SUPT16H: variants seen among roughly 807,000 people sequenced by gnomAD.
SUPT16H encodes the protein FACT complex subunit SPT16.
A neutral mutation model predicts 136.2 loss-of-function variants in SUPT16H; 24 were observed. The observed-to-expected ratio is 0.18, with a 90% confidence interval of 0.13 to 0.25. The LOEUF is 0.25. Ranked by LOEUF, SUPT16H falls within the 10% of genes least tolerant of loss-of-function variation. The pLI is 1.00. For missense variants in SUPT16H, 623 were observed against 1,270.2 expected (o/e 0.49, Z 7.74); for synonymous variants, 415 against 428.2 (o/e 0.97, Z 0.38).
chr14:21,381,353 G>A (rs534490962), intron 1 of SUPT16H, among the ~76,000 whole-genome samples: 1 of 152,246 alleles, frequency 6.6e-6, no homozygotes, highest in South Asian at 2.1e-4. Context: ...TTGCAGATAG[G>A]TAAGGTTAAT....
rs150052462 is a variant in SUPT16H, at chr14:21,368,920, G to A, written c.782+284C>T. Among the ~76,000 whole-genome samples, 362 of 152,328 alleles carry A rather than the reference G, an allele frequency of 2.4e-3. 1 individual carries two copies. Among genetic ancestry groups the A allele is most frequent in the Admixed American group, 4.4e-3 (67 of 15,306 alleles). Reference sequence around the variant, plus strand: ...ATAACAGAGACTGGTAAGGGTAAGTGTGTAGGGGGGCAGGCGAGGATGAAA... The same window carrying A: ...ATAACAGAGACTGGTAAGGGTAAGTATGTAGGGGGGCAGGCGAGGATGAAA... On this transcript the variant is annotated intron_variant, in intron 6 of 25. Coordinates refer to ENST00000216297, the MANE Select transcript of SUPT16H (RefSeq NM_007192.4).
intron 1 of SUPT16H, among the ~76,000 whole-genome samples, 162 bp from the exon 2 acceptor site, chr14:21,373,592 T>C (rs1430412596): frequency 1.3e-5 from 2 of 152,248 alleles, no homozygotes; most frequent in Non-Finnish European, 2.9e-5. Flanking sequence ...TTTTTTGTTT[T>C]TACAGTACTT....
At chr14:21,376,096 T>C (rs768816349) in intron 1 of SUPT16H, among the ~76,000 whole-genome samples, 5 of 152,252 alleles carry the variant, frequency 3.3e-5, no homozygotes, top group Admixed American at 6.5e-5. Flanking sequence ...ATCTAGTTAT[T>C]ACAACACCAT....
At chr14:21,358,462 C>T (rs1302961714) in intron 19 of SUPT16H, 35 bp from the exon 20 acceptor site, 1 of 1,453,934 alleles carries the variant, frequency 6.9e-7, no homozygotes, top group Admixed American at 1.8e-5. Flanking sequence ...ACAGCCATCA[C>T]ATTTGTTAAC....
chr14:21,382,833 C>A (rs1425407525), intron 1 of SUPT16H: 1 of 151,892 alleles, frequency 6.6e-6, no homozygotes, highest in African/African-American at 2.4e-5. Flanking sequence ...TGTATTTAGC[C>A]CCAAAAGATG....
Position 21,365,206 on chromosome 14 carries a change from C to T in SUPT16H, c.1047-63G>A. 2.8e-6 allele frequency: 4 copies of T among 1,440,736 alleles called. No individual in the cohort carries two copies. The South Asian group carries it at 4.8e-5, about 17-fold the overall frequency. 89.2% of individuals were successfully genotyped at this position (1,440,736 alleles called of 1,614,324 possible). A position where few individuals can be genotyped will look rare whatever the true frequency, so the allele number is the denominator to read the frequency against. On this transcript the variant is annotated intron_variant, in intron 8 of 25. Transcript: ENST00000216297. ...GATCTCTAACATGGATCAAGCATAA[C>T]ATATTCATTTCAACTTTCACAATAA...
Position 21,383,596 on chromosome 14 carries a change from G to C in SUPT16H, c.66+266C>G, listed in dbSNP as rs142308286. ...GATGTTGCCTCTTCTAGGGCGGGAA[G>C]AGACTGCGAGAGGTGCTGCTATGCA... On this transcript the variant is annotated intron_variant, in intron 1 of 25. Transcript: ENST00000216297. 2.3e-5 allele frequency: 16 copies of C among 701,236 alleles called. No homozygotes were observed. The African/African-American group carries it at 2.4e-4, about 11-fold the overall frequency. 43.4% of individuals were successfully genotyped at this position (701,236 alleles called of 1,614,324 possible).
intron 6 of SUPT16H, among the ~76,000 whole-genome samples, 192 bp from the exon 7 acceptor site, chr14:21,368,633 T>C (rs369660740): frequency 9.5e-4 from 144 of 152,314 alleles, no homozygotes; most frequent in South Asian, 4.1e-4. Context: ...GGAGTAAAAG[T>C]CAGTGACCAA....
At chr14:21,365,180 A>C (rs1254081887) in intron 8 of SUPT16H, 37 bp from the exon 9 acceptor site, 1 of 1,570,228 alleles carries the variant, frequency 6.4e-7, no homozygotes, top group Non-Finnish European at 8.8e-7. Flanking sequence ...AAAAGGCTAA[A>C]GATCTCTAAC....
rs1435667815 is a variant in SUPT16H, at chr14:21,353,709, C to G, written c.2914G>C (p.Glu972Gln). 1.2e-6 allele frequency: 2 copies of G among 1,613,348 alleles called. No individual in the cohort carries two copies. Among genetic ancestry groups the G allele is most frequent in the East Asian group, 4.5e-5 (2 of 44,876 alleles). ...SDEDYSSEAE[E>Q]SDYSKESLGS... ...TTTGCTCTGTAAGACTAACCTGACTCTTCTGCTTCTGATGAATAATCTTCA... is the reference window on the plus strand; with the variant it reads ...TTTGCTCTGTAAGACTAACCTGACTGTTCTGCTTCTGATGAATAATCTTCA... The change falls in exon 24 of 26, where the codon GAG (glutamate) becomes CAG (glutamine). Residue 972 changes from glutamate to glutamine, a missense_variant. Glu to Gln is a conservative substitution (Grantham distance 29). This residue lies in a region of SUPT16H where 88 missense variants were observed against 135.5 expected (regional missense o/e 0.65). Coordinates refer to ENST00000216297, the MANE Select transcript of SUPT16H (RefSeq NM_007192.4).
chr14:21,352,751 T>A lies in SUPT16H; in HGVS notation c.3066A>T (p.Ala1022=), dbSNP rs746681888. The A allele has an allele frequency of 6.2e-7, 1 of 1,613,986 alleles. No individual in the cohort carries two copies. The highest frequency in any genetic ancestry group is 1.3e-5 in the African/African-American group (1 of 74,898). Residue 1022 remains alanine, a synonymous_variant, in exon 26 of 26, where the codon GCA becomes GCT. Transcript: ENST00000216297. The part of the protein sequence containing the change: ...QSRSMSRKRK[A]SVHSSGRGSN... The stretch of plus-strand genomic sequence containing the variant: ...AGCCACGGCCCGAACTGTGCACAGA[T>A]GCCTTCCTCTTCCGGCTCATACTTC...
At position 21,366,461 on chromosome 14, in the gene SUPT16H, TCAG is replaced by T; in HGVS notation, c.1021_1023del (p.Leu341del). 1 of 1,614,128 alleles carries T rather than the reference TCAG, an allele frequency of 6.2e-7. No homozygotes were observed. The highest frequency in any genetic ancestry group is 8.5e-7 in the Non-Finnish European group (1 of 1,180,026). ...TACCCTAGGTTTTTGGTAATTTTGTTCAGCAGTTCTGGCTTCTGCTTTTTAACC... is the reference window on the plus strand; with the variant it reads ...TACCCTAGGTTTTTGGTAATTTTGTTCAGTTCTGGCTTCTGCTTTTTAACC... On this transcript the variant is annotated inframe_deletion, in exon 8 of 26. Coordinates refer to ENST00000216297, the MANE Select transcript of SUPT16H (RefSeq NM_007192.4).
intron 22 of SUPT16H, 23 bp from the exon 23 acceptor site, chr14:21,354,563 G>A: frequency 6.2e-7 from 1 of 1,611,038 alleles, no homozygotes; most frequent in Non-Finnish European, 8.5e-7. Context: ...ACATGACAAA[G>A]TCAAATCAAT....
In SUPT16H at chr14:21,362,215, G is replaced by A. The variant is rs1239184644; in HGVS notation, c.1775C>T (p.Ala592Val). The A allele has an allele frequency of 3.1e-6, 5 of 1,611,740 alleles. No individual in the cohort carries two copies. Among genetic ancestry groups the A allele is most frequent in the Admixed American group, 1.7e-5 (1 of 59,774 alleles). The change falls in exon 15 of 26, where the codon GCG becomes GTG. Residue 592 changes from alanine (A) to valine (V), a missense_variant. Coordinates refer to ENST00000216297, the MANE Select transcript of SUPT16H (RefSeq NM_007192.4). ...GACTCACATTTCCTTGACAAAAGTC[G>A]CTTCAGGGTTAGGAAAGATGTTGCC... is the stretch of plus-strand genomic sequence containing the variant. ...NEGNIFPNPE[A>V]TFVKEITYRA...
At chr14:21,364,458 CA>C (rs767737751) in intron 10 of SUPT16H, among the ~76,000 whole-genome samples, 2 of 152,070 alleles carry the variant, frequency 1.3e-5, no homozygotes, top group Non-Finnish European at 2.9e-5. Context: ...GTGATGGTTA[CA>C]CAAATGTGAA....
rs1385996390 is a variant in SUPT16H, at chr14:21,368,321, A to C, written c.903T>G (p.Asn301Lys). 6.2e-7 allele frequency: 1 copy of C among 1,614,084 alleles called. No individual in the cohort carries two copies. Among genetic ancestry groups the C allele is most frequent in the African/African-American group, 1.3e-5 (1 of 75,050 alleles). ...MVDPSQEVQE[N>K]YNFLLQLQEE... ...CTTGAAGCTGGAGCAAAAAGTTATA[A>C]TTTTCTTGAACTTCTTGAGAAGGAT... The change falls in exon 7 of 26, where the codon AAT becomes AAG. Residue 301 changes from asparagine to lysine, a missense_variant. Physicochemically the swap from Asn to Lys is moderately conservative, Grantham distance 94 (BLOSUM62 0). Around this residue, in one of 7 missense-constraint regions of SUPT16H, gnomAD observed 343 missense variants for 525.7 expected, o/e 0.65. Transcript: ENST00000216297.
chr14:21,366,341 G>T, intron 8 of SUPT16H, 98 bp downstream of exon 8: 8 of 1,117,920 alleles, frequency 7.2e-6, no homozygotes, highest in Middle Eastern at 4.1e-4. Flanking sequence ...GTCCATAAAT[G>T]TTGGCTGAAT....
chr14:21,364,996 A>G (rs1040850542), intron 9 of SUPT16H, 57 bp from the exon 10 acceptor site: 1 of 1,605,354 alleles, frequency 6.2e-7, no homozygotes, highest in African/African-American at 1.3e-5. Context: ...GAGGTGTGAG[A>G]CATATGCCTA....
In SUPT16H at chr14:21,357,985, T is replaced by C. The variant is rs1385390051; in HGVS notation, c.2432A>G (p.Tyr811Cys). 2 of 1,613,720 alleles carry C rather than the reference T, an allele frequency of 1.2e-6. No homozygotes were observed. The highest frequency in any genetic ancestry group is 2.2e-5 in the East Asian group (1 of 44,866). The change falls in exon 21 of 26, where the codon TAT (tyrosine) becomes TGT (cysteine). Residue 811 changes from tyrosine (Y) to cysteine (C), a missense_variant. Physicochemically the swap from Tyr to Cys is radical, Grantham distance 194 (BLOSUM62 -2). Around this residue, in one of 7 missense-constraint regions of SUPT16H, gnomAD observed 74 missense variants for 193.8 expected, o/e 0.38. Transcript: ENST00000216297. ...GGGCTGAAGGAGGCAGGTACTCCTA[T>C]AGGGAGCTCCGTTAAATCTGGAAGA... ...FRDLGFNGAPYRSTCLLQPTS... is the reference protein window; with the variant it reads ...FRDLGFNGAPCRSTCLLQPTS...
Sources: gnomAD v4.1 joint callset for allele counts (sites outside exome capture counted in the v4.1 genomes callset) on GRCh38, gnomAD v4.1.1 for gene constraint, gnomAD v4.1.1 regional missense constraint, MANE v1.5 for transcripts, NCBI Gene and HGNC (gene_info 2026-07-23, HGNC 2026-07-21) for gene names.